The following DACH2 variants were observed in gnomAD, a reference collection of about 807,000 sequenced individuals.
DACH2 encodes the protein dachshund homolog 2.
DACH2 carries 17 observed loss-of-function variants against 35.8 expected under a neutral mutation model. The ratio of observed to expected loss-of-function variants is 0.48; its 90% CI spans 0.33 to 0.71. The LOEUF is 0.71. DACH2 is among the 30% of genes least tolerant of loss of function. The pLI, the probability that DACH2 is intolerant of heterozygous loss-of-function variation, is 0.02. For synonymous variants in DACH2, 195 were observed against 177.3 expected (o/e 1.10, Z -0.79); for missense variants, 469 against 472.7 (o/e 0.99, Z 0.07).
intron 1 of DACH2, among the ~76,000 whole-genome samples, chrX:86,262,203 G>T (rs1314868003): frequency 9.0e-6 from 1 of 110,554 alleles, no homozygotes; most frequent in African/African-American, 3.3e-5. Flanking sequence ...GCAGAGTATT[G>T]CTTGATCCCA....
chrX:86,768,267 C>T (rs989577262), intron 7 of DACH2, among the ~76,000 whole-genome samples: 1 of 111,525 alleles, frequency 9.0e-6, no homozygotes, highest in African/African-American at 3.3e-5. Context: ...AATTGAAAAT[C>T]CTCTTAAAAA....
At chrX:86,151,296 G>C (rs766079268) in intron 1 of DACH2, among the ~76,000 whole-genome samples, 23 of 111,674 alleles carry the variant, frequency 2.1e-4, no homozygotes, top group Non-Finnish European at 4.1e-4. Context: ...GTGTATGTGT[G>C]TGTATAAAGG....
chrX:86,805,879 ACCT>A (rs2042339868), intron 7 of DACH2, among the ~76,000 whole-genome samples: 1 of 110,790 alleles, frequency 9.0e-6, no homozygotes, highest in African/African-American at 3.3e-5. Context: ...TCCATCTGAG[ACCT>A]CCTCAGTCTG....
chrX:86,693,886 T>C (rs1449621602), intron 4 of DACH2, among the ~76,000 whole-genome samples: 1 of 111,913 alleles, frequency 8.9e-6, no homozygotes, highest in African/African-American at 3.3e-5. Flanking sequence ...CTGCTTATAA[T>C]GTAAAAATGG....
chrX:86,255,164 A>G (rs1038614599), intron 1 of DACH2, among the ~76,000 whole-genome samples: 1 of 111,100 alleles, frequency 9.0e-6, no homozygotes, highest in African/African-American at 3.3e-5. Context: ...GGACACAGAC[A>G]AGGAAAAGAT....
intron 1 of DACH2, among the ~76,000 whole-genome samples, chrX:86,283,744 G>A (rs183236130): frequency 9.2e-6 from 1 of 108,442 alleles, no homozygotes; most frequent in African/African-American, 3.4e-5. Flanking sequence ...GGGACTGGGT[G>A]GGGGATAGCA....
chrX:86,305,955 G>A (rs891763013), intron 1 of DACH2, among the ~76,000 whole-genome samples: 1 of 111,600 alleles, frequency 9.0e-6, no homozygotes, highest in Admixed American at 9.6e-5. Context: ...AACAAATGCT[G>A]GCAATGATAC....
intron 4 of DACH2, among the ~76,000 whole-genome samples, chrX:86,670,122 C>T (rs2040747875): frequency 9.0e-6 from 1 of 111,419 alleles, no homozygotes; most frequent in Non-Finnish European, 1.9e-5. Flanking sequence ...ACTTATTCAA[C>T]AGTGTAATAC....
chrX:86,664,732 T>C (rs961830735), intron 4 of DACH2, among the ~76,000 whole-genome samples: 11 of 112,248 alleles, frequency 9.8e-5, no homozygotes, highest in African/African-American at 3.6e-4. Flanking sequence ...GATTGCCGAG[T>C]TAGCAGATGC....
At chrX:86,486,370 A>T (rs1321271605) in intron 2 of DACH2, among the ~76,000 whole-genome samples, 2 of 110,877 alleles carry the variant, frequency 1.8e-5, no homozygotes, top group African/African-American at 6.6e-5. Context: ...ATTTTTGTTT[A>T]TACCAAGCTT....
chrX:86,592,387 C>G (rs2039658878), intron 3 of DACH2, among the ~76,000 whole-genome samples: 1 of 111,897 alleles, frequency 8.9e-6, no homozygotes, highest in Non-Finnish European at 1.9e-5. Flanking sequence ...TATTCTTTCA[C>G]TGTTACCCAC....
chrX:86,569,019 T>G (rs991381034), intron 3 of DACH2, among the ~76,000 whole-genome samples: 2 of 111,258 alleles, frequency 1.8e-5, no homozygotes, highest in South Asian at 7.5e-4. Context: ...ACTCACAAGG[T>G]TTTACATAAA....
chrX:86,451,125 T>C (rs1404191986), intron 2 of DACH2, among the ~76,000 whole-genome samples: 2 of 111,874 alleles, frequency 1.8e-5, no homozygotes, highest in East Asian at 5.6e-4. Context: ...GGTGTTTTTG[T>C]TATGAAATCT....
intron 7 of DACH2, among the ~76,000 whole-genome samples, chrX:86,799,918 GT>G (rs2042275693): frequency 9.0e-6 from 1 of 111,258 alleles, no homozygotes; most frequent in Non-Finnish European, 1.9e-5. Context: ...TTGCATTTGA[GT>G]TTTTTCCTTT....
chrX:86,394,132 T>G (rs2036244976), intron 2 of DACH2, among the ~76,000 whole-genome samples: 1 of 109,890 alleles, frequency 9.1e-6, no homozygotes, highest in Non-Finnish European at 1.9e-5. Flanking sequence ...ACTACTTTTT[T>G]TTGTACTTGT....
chrX:86,705,234 G>T (rs1244048666), intron 5 of DACH2, among the ~76,000 whole-genome samples: 2 of 109,700 alleles, frequency 1.8e-5, no homozygotes, highest in Admixed American at 9.8e-5. Flanking sequence ...TAAGCGAGAG[G>T]TAAGCTATGA....
intron 2 of DACH2, among the ~76,000 whole-genome samples, chrX:86,404,632 G>A (rs1193916657): frequency 8.9e-6 from 1 of 112,053 alleles, no homozygotes; most frequent in Non-Finnish European, 1.9e-5. Context: ...GGCATTGAGT[G>A]TCTATGGGTT....
At chrX:86,498,104 T>C (rs968979458) in intron 2 of DACH2, among the ~76,000 whole-genome samples, 1 of 111,965 alleles carries the variant, frequency 8.9e-6, no homozygotes, top group Non-Finnish European at 1.9e-5. Flanking sequence ...AGAGAGGATG[T>C]CTTTTTAATT....
intron 1 of DACH2, among the ~76,000 whole-genome samples, chrX:86,177,496 G>C (rs2031340111): frequency 9.0e-6 from 1 of 111,721 alleles, no homozygotes; most frequent in African/African-American, 3.3e-5. Flanking sequence ...CTTTAAATCA[G>C]GTTCTCATGT....
Sources: allele counts gnomAD v4.1 joint callset (sites outside exome capture counted in the v4.1 genomes callset), GRCh38; gene constraint gnomAD v4.1.1; transcripts MANE v1.5; gene names NCBI Gene and HGNC (gene_info 2026-07-23, HGNC 2026-07-21).